CFAP54: variants seen among roughly 807,000 people sequenced by gnomAD.
The protein encoded by CFAP54 is cilia- and flagella-associated protein 54.
A neutral mutation model predicts 370.4 loss-of-function variants in CFAP54; 290 were observed. That is an observed-to-expected ratio of 0.78 (90% CI 0.71 to 0.86). The LOEUF (loss-of-function observed/expected upper bound fraction) is 0.86. Ranked by LOEUF, CFAP54 falls within the 40% of genes least tolerant of loss-of-function variation. The pLI, the probability that CFAP54 is intolerant of heterozygous loss-of-function variation, is 0.00. For synonymous variants in CFAP54, 1,206 were observed against 1,236.5 expected (o/e 0.98, Z 0.52); for missense variants, 3,399 against 3,528.7 (o/e 0.96, Z 0.93).
At position 96,728,918 on chromosome 12, in the gene CFAP54, C is replaced by G. The variant is rs573794892; in HGVS notation, c.6965+8353C>G. 2.6e-5 allele frequency among the ~76,000 whole-genome samples: 4 copies of G among 152,352 alleles called. No individual in the cohort carries two copies. The East Asian group carries it at 7.7e-4, about 29-fold the overall frequency. On this transcript the variant is annotated intron_variant, in intron 50 of 67. Transcript: ENST00000524981. ...ACAGACAGGACCCTCAGCTGCAGGT[C>G]TGTTGGACTTTGCTAGAGGTCCACT...
At chr12:96,543,024 G>A (rs1955594831) in intron 14 of CFAP54, among the ~76,000 whole-genome samples, 1 of 152,182 alleles carries the variant, frequency 6.6e-6, no homozygotes, top group African/African-American at 2.4e-5. Flanking sequence ...AGTTAGAGCT[G>A]GATGCTTACT....
At chr12:96,596,729 A>G (rs778593745) in intron 25 of CFAP54, among the ~76,000 whole-genome samples, 10 of 152,122 alleles carry the variant, frequency 6.6e-5, no homozygotes, top group Non-Finnish European at 1.5e-4. Context: ...AAAGGACTAT[A>G]ACAAAGATAG....
intron 36 of CFAP54, among the ~76,000 whole-genome samples, chr12:96,655,415 A>G (rs150488647): frequency 1.3e-3 from 192 of 152,262 alleles, no homozygotes; most frequent in African/African-American, 3.4e-3. Context: ...TATCCAGGTA[A>G]TAAATGAAGA....
At chr12:96,744,490 A>G (rs1406019792) in intron 55 of CFAP54, among the ~76,000 whole-genome samples, 1 of 152,176 alleles carries the variant, frequency 6.6e-6, no homozygotes, top group Admixed American at 6.5e-5. Context: ...AACTTTACTG[A>G]AAAAAATCCT....
chr12:96,711,169 G>A (rs1379492884), intron 48 of CFAP54, among the ~76,000 whole-genome samples: 1 of 152,058 alleles, frequency 6.6e-6, no homozygotes, highest in Non-Finnish European at 1.5e-5. Context: ...CATTTCATCT[G>A]TGTTATTTAA....
chr12:96,841,277 T>G (rs1959212946), intron 66 of CFAP54, among the ~76,000 whole-genome samples: 1 of 152,238 alleles, frequency 6.6e-6, no homozygotes, highest in Non-Finnish European at 1.5e-5. Context: ...ATTTTGTGTA[T>G]GTTCACAGCA....
At chr12:96,493,325 CATT>C (rs1169394062) in intron 1 of CFAP54, among the ~76,000 whole-genome samples, 1 of 152,172 alleles carries the variant, frequency 6.6e-6, no homozygotes, top group African/African-American at 2.4e-5. Context: ...TTCAATGAGT[CATT>C]AGTCAATTCA....
At chr12:96,673,852 G>T (rs949465588) in intron 39 of CFAP54, among the ~76,000 whole-genome samples, 1 of 152,148 alleles carries the variant, frequency 6.6e-6, no homozygotes, top group Non-Finnish European at 1.5e-5. Context: ...GGAACATTTG[G>T]TGTACTCATT....
rs1957305972 is a variant in CFAP54, at chr12:96,684,718, C to A, written c.5787C>A (p.Ile1929=). 1 of 1,611,534 alleles carries A rather than the reference C, an allele frequency of 6.2e-7. No homozygotes were observed. The highest frequency in any genetic ancestry group is 1.1e-5 in the South Asian group (1 of 90,258). ...QALHSLGSLL[I]FAEKKRAAFK... is the part of the protein sequence containing the mutation. ...TGCATTCACTTGGAAGTCTTCTCAT[C>A]TTCGCAGAAAAGAAAAGGTAGATTT... is the stretch of plus-strand genomic sequence containing the variant. Residue 1929 remains isoleucine (I), a synonymous_variant, in exon 41 of 68, where the codon ATC becomes ATA. Transcript: ENST00000524981.
intron 50 of CFAP54, among the ~76,000 whole-genome samples, chr12:96,723,803 T>C (rs1215645830): frequency 6.8e-6 from 1 of 148,140 alleles, no homozygotes; most frequent in Non-Finnish European, 1.5e-5. Flanking sequence ...GCATTAGGTA[T>C]ATCTCCTAAT....
Position 96,866,829 on chromosome 12 carries a change from CCTAT to C in CFAP54, c.*14+5881_*14+5884del, listed in dbSNP as rs138985085. Among the ~76,000 whole-genome samples, 1,003 of 152,210 alleles carry C rather than the reference CCTAT, an allele frequency of 6.6e-3. 12 individuals are homozygous for C. Among genetic ancestry groups the C allele is most frequent in the African/African-American group, 0.023 (944 of 41,538 alleles). ...TAATATTTAACTACATTTTCTATAG[CCTAT>C]CTAATTATTTTCCCTAATAGCCAGA... On this transcript the variant is annotated intron_variant, in intron 67 of 67. Coordinates refer to ENST00000524981, the MANE Select transcript of CFAP54 (RefSeq NM_001306084.2).
rs1955598504 is a variant in CFAP54 at position 96,543,344 on chromosome 12, A to G, written c.2077+2357A>G. On this transcript the variant is annotated intron_variant, in intron 14 of 67. Coordinates refer to ENST00000524981, the MANE Select transcript of CFAP54 (RefSeq NM_001306084.2). ...ATGTAATGCATGGTAAGTTAATGAG[A>G]AGGCTGCTGTTGTGAGTTCAGGGCC... Among the ~76,000 whole-genome samples, 3 of 152,154 alleles carry G rather than the reference A, an allele frequency of 2.0e-5. No individual in the cohort carries two copies. The South Asian group carries it at 6.2e-4, about 32-fold the overall frequency.
At chr12:96,810,071 T>A (rs948688782) in intron 63 of CFAP54, among the ~76,000 whole-genome samples, 2 of 151,152 alleles carry the variant, frequency 1.3e-5, no homozygotes, top group Admixed American at 6.6e-5. Context: ...AAAGGAGGAG[T>A]CTCCAGGTTG....
chr12:96,490,682 A>T (rs1954871895), intron 1 of CFAP54, among the ~76,000 whole-genome samples: 1 of 151,286 alleles, frequency 6.6e-6, no homozygotes, highest in Admixed American at 6.6e-5. Flanking sequence ...ACAGAGCAAG[A>T]CTCCTTCTCA....
chr12:96,725,421 T>G (rs1369246854), intron 50 of CFAP54, among the ~76,000 whole-genome samples: 1 of 152,188 alleles, frequency 6.6e-6, no homozygotes, highest in African/African-American at 2.4e-5. Flanking sequence ...CCTAAGTATT[T>G]TATTCTCTTT....
chr12:96,661,564 T>C (rs1406506956), intron 38 of CFAP54, among the ~76,000 whole-genome samples: 1 of 152,182 alleles, frequency 6.6e-6, no homozygotes, highest in Non-Finnish European at 1.5e-5. Flanking sequence ...ATCCAGCCAG[T>C]AGAGGACAGT....
intron 2 of CFAP54, 26 bp from the exon 3 acceptor site, chr12:96,503,860 T>A: frequency 6.9e-7 from 1 of 1,459,496 alleles, no homozygotes; most frequent in Non-Finnish European, 9.0e-7. Context: ...TTTTGGAACT[T>A]TAATCAAGTA....
chr12:96,829,237 C>T, intron 66 of CFAP54, 149 bp downstream of exon 66: 1 of 468,792 alleles, frequency 2.1e-6, no homozygotes. Flanking sequence ...TTTACAATAA[C>T]ACATTATTTT....
intron 17 of CFAP54, among the ~76,000 whole-genome samples, chr12:96,563,760 G>A (rs564847002): frequency 2.3e-4 from 35 of 152,128 alleles, no homozygotes; most frequent in East Asian, 3.9e-4. Context: ...AGCTACCCTC[G>A]CATATCTCCA....
Sources: allele counts gnomAD v4.1 joint callset (sites outside exome capture counted in the v4.1 genomes callset), GRCh38; gene constraint gnomAD v4.1.1; transcripts MANE v1.5; gene names NCBI Gene and HGNC (gene_info 2026-07-23, HGNC 2026-07-21).